CFAP46: variants seen among roughly 807,000 people sequenced by gnomAD.
The protein encoded by CFAP46 is cilia and flagella associated protein 46.
A neutral mutation model predicts 325.7 loss-of-function variants in CFAP46; 245 were observed. That is an observed-to-expected ratio of 0.75 (90% confidence interval 0.68 to 0.84). The LOEUF is 0.84. CFAP46 is among the 40% of genes least tolerant of loss of function. CFAP46 has a pLI of 0.00. For synonymous variants in CFAP46, 1,523 were observed against 1,495.9 expected (o/e 1.02, Z -0.42); for missense variants, 3,346 against 3,543.0 (o/e 0.94, Z 1.41).
chr10:132,852,167 T>C (rs35500930), intron 39 of CFAP46, among the ~76,000 whole-genome samples: 1 of 135,724 alleles, frequency 7.4e-6, no homozygotes, highest in Non-Finnish European at 1.6e-5. Flanking sequence ...TGTTCCTCCA[T>C]TTACTTAAGA....
rs763078927 is a variant in CFAP46, at chr10:132,847,242, G to C, written c.6032C>G (p.Pro2011Arg). The part of the protein sequence containing the change: ...EEGATKSSRD[P>R]PASRAAPEEH... ...CTCCGGGGCTGCCCTGGAGGCCGGC[G>C]GGTCCCTGCTGGACTTTGTGGCACC... Residue 2011 changes from proline (P) to arginine (R), a missense_variant, in exon 42 of 58, where the codon CCG becomes CGG. Physicochemically the swap from Pro to Arg is moderately radical, Grantham distance 103. Transcript: ENST00000368586. The surrounding 1 kb of genome is among the most constrained non-coding windows in gnomAD (Gnocchi z 5.2). The C allele has an allele frequency of 6.2e-7, 1 of 1,613,274 alleles. No homozygotes were observed. Among genetic ancestry groups the C allele is most frequent in the Non-Finnish European group, 8.5e-7 (1 of 1,179,928 alleles).
chr10:132,810,169 G>A (rs117453168), intron 57 of CFAP46, among the ~76,000 whole-genome samples: 2,160 of 152,320 alleles, frequency 0.014, 19 homozygotes, highest in South Asian at 0.032. Flanking sequence ...TGGCACTGTG[G>A]GCCGTCACTG....
intron 35 of CFAP46, among the ~76,000 whole-genome samples, 173 bp downstream of exon 35, chr10:132,865,850 CAG>C (rs1848804988): frequency 6.6e-6 from 1 of 152,226 alleles, no homozygotes. Context: ...AAAAGACGGA[CAG>C]ACAGAGGACG....
Position 132,808,522 on chromosome 10 carries a change from AGACGCAGCTCCAGCCCC to A in CFAP46, c.8030_8046del (p.Arg2677LeufsTer?). On this transcript the variant is annotated frameshift_variant, in exon 58 of 58. Transcript: ENST00000368586. LOFTEE classifies it low-confidence loss of function (END_TRUNC). The surrounding 1 kb of genome is among the most constrained non-coding windows in gnomAD (Gnocchi z 6.8). ...CCGCCCTTGTCCTGGCCCCGGGAAG[AGACGCAGCTCCAGCCCC>A]GACGCAGACCCCATGGCGCACACAG... 2 of 1,613,162 alleles carry A rather than the reference AGACGCAGCTCCAGCCCC, an allele frequency of 1.2e-6. No homozygotes were observed. Among genetic ancestry groups the A allele is most frequent in the Non-Finnish European group, 1.7e-6 (2 of 1,180,004 alleles).
rs150362711 is a variant in CFAP46, at chr10:132,834,764, G to T, written c.6756C>A (p.Gly2252=). 9.7e-4 allele frequency: 1,559 copies of T among 1,611,946 alleles called. 10 individuals carry two copies. The African/African-American group carries it at 0.017, about 18-fold the overall frequency. Reference sequence around the variant, plus strand: ...GGCGCTCCTTCTCTTCCACCTGCAGGCCTTCTGGTTCCTACCGCAATCCAA... The same window carrying T: ...GGCGCTCCTTCTCTTCCACCTGCAGTCCTTCTGGTTCCTACCGCAATCCAA... ...MALNIGSEPE[G]LQVEEKERPV... The change falls in exon 48 of 58, where the codon GGC becomes GGA. Residue 2252 remains glycine (G), a synonymous_variant. Transcript: ENST00000368586.
chr10:132,872,936 C>T, intron 31 of CFAP46, 112 bp from the exon 32 acceptor site: 1 of 1,240,528 alleles, frequency 8.1e-7, no homozygotes, highest in East Asian at 2.6e-5. Context: ...CATGTCTGCA[C>T]ACAGCAGGTG....
intron 24 of CFAP46, chr10:132,898,650 C>G (rs1457050965): frequency 4.7e-6 from 2 of 429,502 alleles, no homozygotes; most frequent in South Asian, 2.0e-5. Flanking sequence ...TGCCTAGAAT[C>G]CAAGCCTCTT....
chr10:132,910,892 T>A (rs186813085), intron 19 of CFAP46, among the ~76,000 whole-genome samples: 1 of 152,328 alleles, frequency 6.6e-6, no homozygotes, highest in Non-Finnish European at 1.5e-5. Flanking sequence ...GTTCACCACC[T>A]GACTCCCCGT....
In CFAP46 at chr10:132,941,025, C is replaced by T. The variant is rs1850090067; in HGVS notation, c.342G>A (p.Lys114=). 3 of 1,614,204 alleles carry T rather than the reference C, an allele frequency of 1.9e-6. No homozygotes were observed. Among genetic ancestry groups the T allele is most frequent in the East Asian group, 2.2e-5 (1 of 44,890 alleles). ...EFENCVTEYM[K]AINFAKGEPR... Reference sequence around the variant, plus strand: ...GTTCTCCTTTGGCAAAGTTTATGGCCTTCATGTACTCAGTCACGCAATTTT... The same window carrying T: ...GTTCTCCTTTGGCAAAGTTTATGGCTTTCATGTACTCAGTCACGCAATTTT... The change falls in exon 4 of 58, where the codon AAG becomes AAA. Residue 114 remains lysine, a synonymous_variant. Transcript: ENST00000368586.
intron 35 of CFAP46, 88 bp from the exon 36 acceptor site, chr10:132,861,070 G>C: frequency 1.6e-6 from 2 of 1,279,294 alleles, no homozygotes; most frequent in Non-Finnish European, 2.2e-6. Flanking sequence ...AAGGAAGAGG[G>C]AGACAGAGAG....
rs1565033230 is a variant in CFAP46 at position 132,817,285 on chromosome 10, G to GAGA, written c.7118-2372_7118-2371insTCT. 6.6e-6 allele frequency among the ~76,000 whole-genome samples: 1 copy of GAGA among 152,130 alleles called. No homozygotes were observed. The highest frequency in any genetic ancestry group is 1.9e-4 in the East Asian group (1 of 5,186). ...TCTGAGAGTCAGACACCGGCCCTCC[G>GAGA]GGTTACTCTTAAATATTTACTCATT... On this transcript the variant is annotated intron_variant, in intron 50 of 57. Coordinates refer to ENST00000368586, the MANE Select transcript of CFAP46 (RefSeq NM_001200049.3). The surrounding 1 kb of genome is among the most constrained non-coding windows in gnomAD (Gnocchi z 4.4).
intron 37 of CFAP46, among the ~76,000 whole-genome samples, chr10:132,859,720 C>T (rs1380726999): frequency 2.0e-5 from 3 of 152,148 alleles, no homozygotes; most frequent in Non-Finnish European, 2.9e-5. Flanking sequence ...GGGAGCTCCA[C>T]AAAGATGAAG....
intron 56 of CFAP46, 166 bp from the exon 57 acceptor site, chr10:132,810,655 C>A: frequency 1.3e-6 from 1 of 750,526 alleles, no homozygotes. Flanking sequence ...CCAGGATGCT[C>A]TTGACGCCCA....
chr10:132,846,317 TG>T (rs982396316), intron 43 of CFAP46, 90 bp from the exon 44 acceptor site: 5 of 1,458,382 alleles, frequency 3.4e-6, no homozygotes, highest in Non-Finnish European at 2.8e-6. Flanking sequence ...AGCTGCAGCC[TG>T]GGAGCAGGAG....
At chr10:132,940,192 G>A (rs1850074217) in intron 4 of CFAP46, among the ~76,000 whole-genome samples, 1 of 152,166 alleles carries the variant, frequency 6.6e-6, no homozygotes, top group South Asian at 2.1e-4. Context: ...ACCAGAGAAG[G>A]CCACCAGCAG....
intron 50 of CFAP46, among the ~76,000 whole-genome samples, chr10:132,821,869 C>CACTGA (rs1554964204): frequency 7.6e-6 from 1 of 131,918 alleles, no homozygotes; most frequent in South Asian, 2.6e-4. Context: ...GCTGTGTGTG[C>CACTGA]TGTGTGCTGT....
chr10:132,814,351 C>T (rs147313966), intron 53 of CFAP46, 97 bp from the exon 54 acceptor site: 61 of 1,113,536 alleles, frequency 5.5e-5, no homozygotes, highest in Middle Eastern at 2.0e-4. Context: ...CGAATGCAGG[C>T]GCATATATCA....
Position 132,860,835 on chromosome 10 carries a change from G to C in CFAP46, c.5038C>G (p.Leu1680Val), listed in dbSNP as rs1434524149. Residue 1680 changes from leucine (L) to valine (V), a missense_variant, in exon 36 of 58, where the codon CTG becomes GTG. Transcript: ENST00000368586. ...GACAAGAGCGCCTCTGCCAGGGTCAGAGTGGAATTGTACCAGAACTCCTCA... is the reference window on the plus strand; with the variant it reads ...GACAAGAGCGCCTCTGCCAGGGTCACAGTGGAATTGTACCAGAACTCCTCA... ...GSEEFWYNST[L>V]TLAEALLSME... 5.8e-6 allele frequency: 9 copies of C among 1,551,004 alleles called. No homozygotes were observed. The highest frequency in any genetic ancestry group is 7.8e-6 in the Non-Finnish European group (9 of 1,147,104).
In CFAP46 at chr10:132,808,622, C is replaced by G; in HGVS notation, c.7947G>C (p.Arg2649Ser). 2 of 1,610,328 alleles carry G rather than the reference C, an allele frequency of 1.2e-6. No individual in the cohort carries two copies. The highest frequency in any genetic ancestry group is 1.7e-6 in the Non-Finnish European group (2 of 1,178,672). ...LSPALGAASARDPPPATSRKA... is the reference protein window; with the variant it reads ...LSPALGAASASDPPPATSRKA... ...TGCGGGAAGTCGCTGGGGGAGGGTC[C>G]CTGGCTGAGGCTGCACCAAGGGCTG... Residue 2649 changes from arginine (R) to serine (S), a missense_variant, in exon 58 of 58, where the codon AGG becomes AGC. Transcript: ENST00000368586. The surrounding 1 kb of genome is among the most constrained non-coding windows in gnomAD (Gnocchi z 6.8).
Sources: allele counts gnomAD v4.1 joint callset (sites outside exome capture counted in the v4.1 genomes callset), GRCh38; gene constraint gnomAD v4.1.1; non-coding constraint Gnocchi (gnomAD v3.1); transcripts MANE v1.5; gene names NCBI Gene and HGNC (gene_info 2026-07-23, HGNC 2026-07-21).